FAM169A: variants seen among roughly 807,000 people sequenced by gnomAD.
The protein encoded by FAM169A is soluble lamin-associated protein of 75 kDa.
FAM169A carries 24 observed loss-of-function variants against 75.7 expected under a neutral mutation model. The ratio of observed to expected loss-of-function variants is 0.32; its 90% CI spans 0.23 to 0.45. The LOEUF (loss-of-function observed/expected upper bound fraction) is 0.45. Ranked by LOEUF, FAM169A falls within the 20% of genes least tolerant of loss-of-function variation. The pLI is 1.00. For missense variants in FAM169A, 673 were observed against 784.0 expected (o/e 0.86, Z 1.69); for synonymous variants, 271 against 271.0 (o/e 1.00, Z 0.00).
intron 1 of FAM169A, among the ~76,000 whole-genome samples, chr5:74,855,702 A>C (rs1243099442): frequency 6.6e-6 from 1 of 152,154 alleles, no homozygotes; most frequent in Non-Finnish European, 1.5e-5. Flanking sequence ...TGTCAGATAG[A>C]CAGTTTGCAG....
chr5:74,834,877 C>A (rs1748489116), intron 4 of FAM169A, among the ~76,000 whole-genome samples: 1 of 151,976 alleles, frequency 6.6e-6, no homozygotes, highest in African/African-American at 2.4e-5. Flanking sequence ...CAATCCCGAG[C>A]ATGTCTTTCA....
At chr5:74,827,737 A>C (rs1313169117) in intron 5 of FAM169A, among the ~76,000 whole-genome samples, 2 of 149,392 alleles carry the variant, frequency 1.3e-5, no homozygotes, top group East Asian at 3.9e-4. Flanking sequence ...ATCTCGGTTC[A>C]CTGCAACCTC....
At chr5:74,864,476 C>T (rs1301757234) in intron 1 of FAM169A, among the ~76,000 whole-genome samples, 1 of 152,256 alleles carries the variant, frequency 6.6e-6, no homozygotes. Context: ...GATCCACCCG[C>T]TCTGGCCTCC....
intron 1 of FAM169A, among the ~76,000 whole-genome samples, chr5:74,843,321 A>C (rs1258528237): frequency 6.6e-6 from 1 of 152,204 alleles, no homozygotes; most frequent in Non-Finnish European, 1.5e-5. Flanking sequence ...AATCCTAATG[A>C]AATACCTTTA....
intron 10 of FAM169A, chr5:74,799,139 A>G: frequency 2.0e-6 from 2 of 1,020,940 alleles, no homozygotes; most frequent in Non-Finnish European, 3.1e-6. Context: ...CACGAACTCA[A>G]GGAGCACAAT....
intron 5 of FAM169A, among the ~76,000 whole-genome samples, chr5:74,824,965 A>C (rs1474912244): frequency 6.6e-6 from 1 of 152,116 alleles, no homozygotes; most frequent in Non-Finnish European, 1.5e-5. Context: ...CTTCCCATAC[A>C]AAAAACCCCA....
rs1408951921 is a variant in FAM169A, at chr5:74,778,917, C to A, written c.*2543G>T. 6.6e-6 allele frequency: 1 copy of A among 152,166 alleles called. No individual in the cohort carries two copies. Among genetic ancestry groups the A allele is most frequent in the African/African-American group, 2.4e-5 (1 of 41,566 alleles). The allele number at this position is 152,166 out of a possible 1,614,324, so 9.4% of individuals were successfully genotyped here. ...TTTTTCTAATGCCTTGCAAAAACTA[C>A]AGATAACTGATTAAGTTCATGTAGG... On this transcript the variant is annotated 3_prime_UTR_variant, in exon 13 of 13. Coordinates refer to ENST00000687041, the MANE Select transcript of FAM169A (RefSeq NM_001376049.1).
intron 1 of FAM169A, among the ~76,000 whole-genome samples, chr5:74,860,631 T>C (rs1749982794): frequency 6.6e-6 from 1 of 152,074 alleles, no homozygotes; most frequent in Non-Finnish European, 1.5e-5. Context: ...ATTTGGGAGC[T>C]ACCAGTGTAT....
chr5:74,797,885 T>G (rs1426993098), intron 10 of FAM169A, among the ~76,000 whole-genome samples: 2 of 151,982 alleles, frequency 1.3e-5, no homozygotes, highest in African/African-American at 4.8e-5. Flanking sequence ...TATATAAGCT[T>G]AATAATATAT....
chr5:74,799,913 C>A, intron 10 of FAM169A: 1 of 892,682 alleles, frequency 1.1e-6, no homozygotes, highest in Non-Finnish European at 1.9e-6. Flanking sequence ...GCAACACGGA[C>A]AAGAGGGCCA....
intron 1 of FAM169A, among the ~76,000 whole-genome samples, chr5:74,858,408 A>G (rs1458098364): frequency 6.6e-6 from 1 of 152,130 alleles, no homozygotes; most frequent in South Asian, 2.1e-4. Flanking sequence ...AAAAACAAAC[A>G]AAAACATCGT....
Position 74,839,066 on chromosome 5 carries a change from T to C in FAM169A, c.233-16A>G, listed in dbSNP as rs759964392. 13 of 1,586,146 alleles carry C rather than the reference T, an allele frequency of 8.2e-6. No homozygotes were observed. The highest frequency in any genetic ancestry group is 1.7e-4 in the Middle Eastern group (1 of 6,004). On this transcript the variant is annotated splice_polypyrimidine_tract_variant and intron_variant, in intron 3 of 12. Coordinates refer to ENST00000687041, the MANE Select transcript of FAM169A (RefSeq NM_001376049.1). ...AGTGCCACAGCTAAAATAGAATAAATAATCATTAACACTTGAGTTTTAAAG... is the reference window on the plus strand; with the variant it reads ...AGTGCCACAGCTAAAATAGAATAAACAATCATTAACACTTGAGTTTTAAAG...
At chr5:74,826,609 T>C (rs1237613945) in intron 5 of FAM169A, among the ~76,000 whole-genome samples, 1 of 152,216 alleles carries the variant, frequency 6.6e-6, no homozygotes, top group Non-Finnish European at 1.5e-5. Flanking sequence ...TTACAGAAGA[T>C]GTTATTTCTG....
At chr5:74,800,628 T>A (rs1247675658) in intron 10 of FAM169A, among the ~76,000 whole-genome samples, 1 of 152,056 alleles carries the variant, frequency 6.6e-6, no homozygotes, top group Non-Finnish European at 1.5e-5. Flanking sequence ...GTACAATAAT[T>A]CAAATATAAA....
chr5:74,799,543 C>T (rs565002121), intron 10 of FAM169A: 2 of 1,535,196 alleles, frequency 1.3e-6, no homozygotes, highest in East Asian at 4.5e-5. Flanking sequence ...GGCCAGCATG[C>T]CCTGGGACAG....
At chr5:74,796,252 C>T (rs1202535639) in intron 10 of FAM169A, 66 bp from the exon 11 acceptor site, 20 of 1,436,370 alleles carry the variant, frequency 1.4e-5, no homozygotes, top group Non-Finnish European at 1.7e-5. Context: ...CTCAGAAGTC[C>T]TTTCTTAAAG....
At chr5:74,784,464 C>CACTGG (rs1325873693) in intron 11 of FAM169A, among the ~76,000 whole-genome samples, 1 of 130,352 alleles carries the variant, frequency 7.7e-6, no homozygotes, top group Non-Finnish European at 1.6e-5. Flanking sequence ...CCAGAGAGAT[C>CACTGG]ATGCCACTGC....
chr5:74,866,868 A>C (rs1750376160), upstream of FAM169A: 1 of 985,360 alleles, frequency 1.0e-6, no homozygotes, highest in Non-Finnish European at 1.2e-6. Context: ...TGCAGAGGGC[A>C]CGGGCGAGGA....
intron 5 of FAM169A, 68 bp from the exon 6 acceptor site, chr5:74,814,087 GAGTTAAC>G (rs1747347084): frequency 8.0e-7 from 1 of 1,257,816 alleles, no homozygotes; most frequent in Non-Finnish European, 1.1e-6. Context: ...TTAGTGACAT[GAGTTAAC>G]AGTCTTTCTA....
Sources: gnomAD v4.1 joint callset for allele counts (sites outside exome capture counted in the v4.1 genomes callset) on GRCh38, gnomAD v4.1.1 for gene constraint, MANE v1.5 for transcripts, NCBI Gene and HGNC (gene_info 2026-07-23, HGNC 2026-07-21) for gene names.